Variants in ANKRD6 observed in about 807,000 individuals in gnomAD.
ANKRD6 encodes ankyrin repeat domain 6.
ANKRD6 carries 56 observed loss-of-function variants against 82.3 expected under a neutral mutation model. The observed-to-expected ratio is 0.68, with a 90% CI of 0.55 to 0.85. The LOEUF (loss-of-function observed/expected upper bound fraction) is 0.85. Ranked by LOEUF, ANKRD6 falls within the 40% of genes least tolerant of loss-of-function variation. The probability of loss-of-function intolerance (pLI) is 0.00; values close to 1 mark genes in which losing one functional copy is unlikely to be tolerated. For synonymous variants in ANKRD6, 347 were observed against 352.1 expected (o/e 0.99, Z 0.16); for missense variants, 852 against 907.6 (o/e 0.94, Z 0.79).
intron 1 of ANKRD6, among the ~76,000 whole-genome samples, chr6:89,531,357 T>A (rs1318572678): frequency 6.6e-6 from 1 of 152,288 alleles, no homozygotes; most frequent in African/African-American, 2.4e-5. Context: ...AGCAAGTACT[T>A]TCCTTGAAGG....
chr6:89,474,219 T>A (rs1385407963), intron 1 of ANKRD6, among the ~76,000 whole-genome samples: 1 of 152,164 alleles, frequency 6.6e-6, no homozygotes, highest in Non-Finnish European at 1.5e-5. Flanking sequence ...GCCTATAGAT[T>A]CTTCCAGAAA....
At chr6:89,504,206 G>A (rs113321160) in intron 1 of ANKRD6, among the ~76,000 whole-genome samples, 3,022 of 152,042 alleles carry the variant, frequency 0.02, 52 homozygotes, top group Non-Finnish European at 0.031. Flanking sequence ...CACGTGAGAG[G>A]TGATGGAGGC....
At chr6:89,542,051 A>G (rs1024035110) in intron 1 of ANKRD6, among the ~76,000 whole-genome samples, 3 of 151,976 alleles carry the variant, frequency 2.0e-5, no homozygotes, top group Non-Finnish European at 4.4e-5. Context: ...CTTATATTTT[A>G]TAAGTATTTT....
intron 1 of ANKRD6, among the ~76,000 whole-genome samples, chr6:89,519,866 C>T (rs1781683831): frequency 6.6e-6 from 1 of 152,216 alleles, no homozygotes; most frequent in Non-Finnish European, 1.5e-5. Flanking sequence ...GCATCTCCAA[C>T]TAAACAAATT....
chr6:89,497,250 T>C, intron 1 of ANKRD6, among the ~76,000 whole-genome samples: 1 of 152,256 alleles, frequency 6.6e-6, no homozygotes, highest in East Asian at 1.9e-4. Flanking sequence ...GCTGATCATT[T>C]AGGATATTTA....
chr6:89,575,773 A>G (rs541478796), intron 2 of ANKRD6, among the ~76,000 whole-genome samples: 1 of 152,290 alleles, frequency 6.6e-6, no homozygotes, highest in South Asian at 2.1e-4. Flanking sequence ...GGCATGCCAG[A>G]GCCCAGATGA....
intron 11 of ANKRD6, 59 bp from the exon 12 acceptor site, chr6:89,623,813 T>A: frequency 6.5e-7 from 1 of 1,527,714 alleles, no homozygotes; most frequent in Non-Finnish European, 8.8e-7. Flanking sequence ...CGCCACCGAC[T>A]GGTGTCAGTC....
intron 5 of ANKRD6, among the ~76,000 whole-genome samples, chr6:89,608,137 G>A (rs1447868291): frequency 6.6e-6 from 1 of 152,212 alleles, no homozygotes; most frequent in Non-Finnish European, 1.5e-5. Context: ...TTGCAGTTGA[G>A]GTAAGAAGGG....
intron 10 of ANKRD6, among the ~76,000 whole-genome samples, chr6:89,622,403 T>G (rs1803769769): frequency 6.6e-6 from 1 of 152,154 alleles, no homozygotes; most frequent in Admixed American, 6.5e-5. Flanking sequence ...TGGGACCTTA[T>G]TAGAAATGAT....
Position 89,462,180 on chromosome 6 carries a change from C to T in ANKRD6, c.-144+28805C>T, listed in dbSNP as rs143157246. ...CCGGGAGGTGGAGGTTGCAGTGGGC[C>T]GAGATCACGCCACTGCACTCCAGCC... On this transcript the variant is annotated intron_variant, in intron 1 of 15. Transcript: ENST00000339746. 7.8e-3 allele frequency among the ~76,000 whole-genome samples: 1,177 copies of T among 150,334 alleles called. 18 individuals are homozygous for T. The highest frequency in any genetic ancestry group is 0.027 in the African/African-American group (1,099 of 40,946).
chr6:89,567,201 G>T, intron 2 of ANKRD6, 105 bp downstream of exon 2: 1 of 1,440,062 alleles, frequency 6.9e-7, no homozygotes, highest in Non-Finnish European at 9.3e-7. Flanking sequence ...CAAAGAACTG[G>T]CTTTTCTTCC....
chr6:89,622,034 G>C lies in ANKRD6; in HGVS notation c.897+8G>C, dbSNP rs138216532. 2 of 1,610,810 alleles carry C rather than the reference G, an allele frequency of 1.2e-6. No individual in the cohort carries two copies. The highest frequency in any genetic ancestry group is 2.7e-5 in the African/African-American group (2 of 74,950). On this transcript the variant is annotated splice_region_variant and intron_variant, in intron 10 of 15. Transcript: ENST00000339746. ...GAGGTGGCCCAAAGCAAGGTGGGGG[G>C]CAGTCCTCCCGCCGTCCCCACATCC...
chr6:89,440,315 C>A (rs902476274), intron 1 of ANKRD6, among the ~76,000 whole-genome samples: 2 of 152,190 alleles, frequency 1.3e-5, no homozygotes. Context: ...TTAGCGATGG[C>A]GAATTGTAGG....
In ANKRD6 at chr6:89,623,477, A is replaced by G. The variant is rs1804417667; in HGVS notation, c.965A>G (p.Glu322Gly). ...GTGGCCAGAAAAGAAGAAGCCAGAG[A>G]AGAGTTCCTGTCAGCCTCCCCAGAA... Reference protein sequence around the residue: ...QAVARKEEAREEFLSASPEPR... With the variant: ...QAVARKEEARGEFLSASPEPR... The change falls in exon 11 of 16, where the codon GAA becomes GGA. Residue 322 changes from glutamate (E) to glycine (G), a missense_variant. Coordinates refer to ENST00000339746, the MANE Select transcript of ANKRD6 (RefSeq NM_001242809.2). The G allele has an allele frequency of 6.2e-7, 1 of 1,605,578 alleles. No individual in the cohort carries two copies. Among genetic ancestry groups the G allele is most frequent in the African/African-American group, 1.3e-5 (1 of 74,722 alleles).
chr6:89,455,071 C>T (rs1305258687), intron 1 of ANKRD6, among the ~76,000 whole-genome samples: 1 of 150,628 alleles, frequency 6.6e-6, no homozygotes, highest in Non-Finnish European at 1.5e-5. Context: ...CTCGAACTCT[C>T]GATCTCAAGT....
intron 12 of ANKRD6, among the ~76,000 whole-genome samples, chr6:89,624,293 G>C (rs1289389708): frequency 1.3e-5 from 2 of 152,128 alleles, no homozygotes; most frequent in African/African-American, 4.8e-5. Context: ...AGGTGACTAG[G>C]TATCTTGAGG....
At chr6:89,515,613 C>A (rs1245155817) in intron 1 of ANKRD6, among the ~76,000 whole-genome samples, 2 of 152,188 alleles carry the variant, frequency 1.3e-5, no homozygotes, top group Admixed American at 1.3e-4. Context: ...ATGTGGCCCC[C>A]CAAAATGTTA....
chr6:89,485,147 G>A (rs912446093), intron 1 of ANKRD6, among the ~76,000 whole-genome samples: 1 of 152,174 alleles, frequency 6.6e-6, no homozygotes, highest in African/African-American at 2.4e-5. Context: ...ACACCCCTAC[G>A]AGTAACACTG....
chr6:89,579,038 G>GC (rs2128109631), intron 2 of ANKRD6, among the ~76,000 whole-genome samples: 1 of 152,282 alleles, frequency 6.6e-6, no homozygotes, highest in South Asian at 2.1e-4. Flanking sequence ...CCCTGTCCTT[G>GC]CCTCCTGCAC....
Sources: gnomAD v4.1 joint callset for allele counts (sites outside exome capture counted in the v4.1 genomes callset) on GRCh38, gnomAD v4.1.1 for gene constraint, MANE v1.5 for transcripts, NCBI Gene and HGNC (gene_info 2026-07-23, HGNC 2026-07-21) for gene names.